The following C3 variants were observed in gnomAD, a reference collection of about 807,000 sequenced individuals.
C3 encodes the protein C3 and PZP-like alpha-2-macroglobulin domain-containing protein 1.
A neutral mutation model predicts 207.9 loss-of-function variants in C3; 97 were observed. The observed-to-expected ratio is 0.47, with a 90% CI of 0.40 to 0.55. C3 has a LOEUF of 0.55. Among genes scored for constraint, C3 ranks in the 20% least tolerant of loss-of-function variants. The pLI is 0.00. For synonymous variants in C3, 848 were observed against 857.6 expected, an observed-to-expected ratio of 0.99 and a Z score of 0.20; for missense variants, 1,684 against 2,171.7, an observed-to-expected ratio of 0.78 and a Z score of 4.46.
Position 6,701,623 on chromosome 19 carries a change from C to T in C3, c.2440+504G>A, listed in dbSNP as rs571508707. ...GCAACCTCCACCTCCCGGGTTCAAC[C>T]AAATCTCCTGCCTCAGCCTCCCGAG... On this transcript the variant is annotated intron_variant, in intron 19 of 40. Transcript: ENST00000245907. Among the ~76,000 whole-genome samples the T allele has an allele frequency of 2.6e-5, 4 of 152,222 alleles. No homozygotes were observed. In the East Asian group the frequency reaches 5.8e-4, roughly 22 times the overall value.
At chr19:6,680,822 G>T (rs924259767) in intron 35 of C3, among the ~76,000 whole-genome samples, 6 of 152,078 alleles carry the variant, frequency 3.9e-5, no homozygotes, top group African/African-American at 1.5e-4. Context: ...ATAGGAGAAT[G>T]GGAAGAAATA....
intron 21 of C3, among the ~76,000 whole-genome samples, chr19:6,697,098 A>T (rs1173953155): frequency 1.3e-5 from 2 of 150,306 alleles, no homozygotes; most frequent in Non-Finnish European, 1.5e-5. Flanking sequence ...CGAGTATAAA[A>T]AAATTATTGA....
intron 19 of C3, among the ~76,000 whole-genome samples, chr19:6,699,002 G>T (rs146518966): frequency 2.5e-3 from 379 of 151,948 alleles, no homozygotes; most frequent in African/African-American, 8.7e-3. Flanking sequence ...CACCATGTTG[G>T]CCAGGCTGTT....
chr19:6,693,183 G>T, intron 25 of C3, 100 bp from the exon 26 acceptor site: 2 of 1,371,978 alleles, frequency 1.5e-6, no homozygotes, highest in Non-Finnish European at 2.1e-6. Flanking sequence ...GCCTGGCCCA[G>T]TTTGCCTGGT....
At position 6,709,739 on chromosome 19, in the gene C3, G is replaced by A. The variant is rs1967864018; in HGVS notation, c.1790C>T (p.Ala597Val). The A allele has an allele frequency of 1.2e-6, 2 of 1,613,826 alleles. No individual in the cohort carries two copies. ...CAGCACGAACACGCCCTTGTCCACG[G>A]CCACCAGTACCACCCGGGCCCCGTG... ...GDHGARVVLV[A>V]VDKGVFVLNK... Residue 597 changes from alanine to valine, a missense_variant, in exon 14 of 41, where the codon GCC becomes GTC. By Grantham distance (64) the Ala-to-Val change is moderately conservative. Coordinates refer to ENST00000245907, the MANE Select transcript of C3 (RefSeq NM_000064.4).
intron 17 of C3, among the ~76,000 whole-genome samples, chr19:6,705,203 G>T (rs1057025307): frequency 6.6e-6 from 1 of 152,152 alleles, no homozygotes; most frequent in Admixed American, 6.6e-5. Context: ...CCATCCATGT[G>T]GATGTAAACC....
intron 4 of C3, chr19:6,716,971 G>A (rs1968045203): frequency 6.6e-6 from 1 of 152,338 alleles, no homozygotes; most frequent in Non-Finnish European, 1.5e-5. Context: ...TTCTTGAGAA[G>A]AGGGCACAGC....
rs1011795791 is a variant in C3 at position 6,715,630 on chromosome 19, T to G, written c.505-1184A>C. Among the ~76,000 whole-genome samples the G allele has an allele frequency of 6.6e-5, 10 of 150,760 alleles. No homozygotes were observed. The East Asian group carries it at 1.2e-3, about 17-fold the overall frequency. On this transcript the variant is annotated intron_variant, in intron 4 of 40. Transcript: ENST00000245907. ...TCTGTTTTTTTTTTGTTTTTTTTGT[T>G]TTTTTTTTTGAGACGGAGTCTTGCT...
intron 21 of C3, among the ~76,000 whole-genome samples, 186 bp from the exon 22 acceptor site, chr19:6,696,845 T>TC (rs35401128): frequency 6.6e-6 from 1 of 151,276 alleles, no homozygotes; most frequent in African/African-American, 2.4e-5. Context: ...ATCGAGACCA[T>TC]CCTGGCTAAC....
chr19:6,695,701 A>G (rs1967518493), intron 23 of C3, among the ~76,000 whole-genome samples: 1 of 151,826 alleles, frequency 6.6e-6, no homozygotes. Context: ...GCTGGTCTCA[A>G]ACTCCTACCT....
At position 6,707,187 on chromosome 19, in the gene C3, G is replaced by A. The variant is rs763061857; in HGVS notation, c.2134C>T (p.Arg712Cys). Residue 712 changes from arginine to cysteine, a missense_variant, in exon 17 of 41, where the codon CGT becomes TGT. By Grantham distance (180) the Arg-to-Cys change is radical. Coordinates refer to ENST00000245907, the MANE Select transcript of C3 (RefSeq NM_000064.4). ...CACGCCTCGCCCAGGGAGATGAAAC[G>A]GGTCCGGCGCTGGCACGAGAACCTC... ...PMRFSCQRRT[R>C]FISLGEACKK... is the part of the protein sequence containing the mutation. The A allele has an allele frequency of 4.3e-6, 7 of 1,613,796 alleles. No individual in the cohort carries two copies. In the Admixed American group the frequency reaches 6.7e-5, roughly 15 times the overall value.
chr19:6,686,421 A>T, intron 28 of C3, 134 bp from the exon 29 acceptor site: 1 of 943,726 alleles, frequency 1.1e-6, no homozygotes, highest in Non-Finnish European at 1.7e-6. Context: ...GAGGCTCTCA[A>T]TTACTTGGCT....
intron 35 of C3, among the ~76,000 whole-genome samples, chr19:6,680,812 A>T (rs753102371): frequency 1.3e-5 from 2 of 152,156 alleles, no homozygotes; most frequent in African/African-American, 4.8e-5. Flanking sequence ...GGATATGGGG[A>T]TAGGAGAATG....
At chr19:6,681,340 T>TAAAA (rs71177112) in intron 35 of C3, among the ~76,000 whole-genome samples, 41,705 of 94,166 alleles carry the variant, frequency 0.44, 9,105 homozygotes, top group South Asian at 0.5. Flanking sequence ...AGGCTGCAGT[T>TAAAA]AAAAAAAAAA....
intron 29 of C3, among the ~76,000 whole-genome samples, chr19:6,685,895 C>T (rs1333177983): frequency 6.6e-6 from 1 of 152,134 alleles, no homozygotes; most frequent in East Asian, 1.9e-4. Flanking sequence ...GATCTAGACA[C>T]CTGGGGCAAG....
chr19:6,704,274 A>G (rs11569442), intron 17 of C3, among the ~76,000 whole-genome samples: 7,590 of 152,234 alleles, frequency 0.05, 631 homozygotes, highest in African/African-American at 0.17. Flanking sequence ...GCGAAAGAGC[A>G]AGATCCTGCC....
Position 6,678,421 on chromosome 19 carries a change from G to C in C3, c.4665C>G (p.Ser1555=), listed in dbSNP as rs542668902. 17 of 1,614,160 alleles carry C rather than the reference G, an allele frequency of 1.1e-5. No homozygotes were observed. The Admixed American group carries it at 2.7e-4, about 25-fold the overall frequency. The part of the protein sequence containing the change: ...YKTRLVKVQL[S]NDFDEYIMAI... ...CCATGATGTACTCGTCAAAGTCATT[G>C]GACAGCTGAACCTTGACCAGTCGGG... Residue 1555 remains serine (S), a synonymous_variant, in exon 39 of 41, where the codon TCC becomes TCG. Coordinates refer to ENST00000245907, the MANE Select transcript of C3 (RefSeq NM_000064.4).
At chr19:6,715,534 G>A (rs1429158707) in intron 4 of C3, among the ~76,000 whole-genome samples, 2 of 151,956 alleles carry the variant, frequency 1.3e-5, no homozygotes, top group Non-Finnish European at 1.5e-5. Context: ...ATTGTACAGA[G>A]GTAACAGGGA....
chr19:6,683,808 A>G (rs1181592968), intron 33 of C3, among the ~76,000 whole-genome samples: 1 of 152,264 alleles, frequency 6.6e-6, no homozygotes, highest in East Asian at 1.9e-4. Flanking sequence ...TAATAGAAAC[A>G]TTTAGGCTGG....
Sources: gnomAD v4.1 joint callset for allele counts (sites outside exome capture counted in the v4.1 genomes callset) on GRCh38, gnomAD v4.1.1 for gene constraint, MANE v1.5 for transcripts, NCBI Gene and HGNC (gene_info 2026-07-23, HGNC 2026-07-21) for gene names.